NOTCH1: variants seen among roughly 807,000 people sequenced by gnomAD.
The protein encoded by NOTCH1 is notch receptor 1.
Under a neutral mutation model 254.8 loss-of-function variants are expected in NOTCH1, and 37 were observed. The ratio of observed to expected loss-of-function variants is 0.15; its 90% CI spans 0.11 to 0.19. NOTCH1 has a LOEUF of 0.19. Ranked by LOEUF, NOTCH1 falls within the 10% of genes least tolerant of loss-of-function variation. The probability of loss-of-function intolerance (pLI) is 1.00; values close to 1 mark genes in which losing one functional copy is unlikely to be tolerated. For missense variants in NOTCH1, 2,972 were observed against 3,708.6 expected (o/e 0.80, Z 5.16); for synonymous variants, 1,731 against 1,618.1 (o/e 1.07, Z -1.68).
intron 2 of NOTCH1, among the ~76,000 whole-genome samples, chr9:136,537,331 A>G (rs1255114333): frequency 6.6e-6 from 1 of 152,148 alleles, no homozygotes; most frequent in South Asian, 2.1e-4. Flanking sequence ...AACCTTAAAC[A>G]CATCACGCTC....
In NOTCH1 at chr9:136,506,064, G is replaced by A. The variant is rs1034614889; in HGVS notation, c.4015-183C>T. On this transcript the variant is annotated intron_variant, in intron 24 of 33. Coordinates refer to ENST00000651671, the MANE Select transcript of NOTCH1 (RefSeq NM_017617.5). The surrounding 1 kb of genome is among the most constrained non-coding windows in gnomAD (Gnocchi z 4.5). ...CTACCAACAGAGAAAGATCGGGGGTGCCAGGGGGTCGGGAGATGGAGGAAG... is the reference window on the plus strand; with the variant it reads ...CTACCAACAGAGAAAGATCGGGGGTACCAGGGGGTCGGGAGATGGAGGAAG... 2.6e-5 allele frequency among the ~76,000 whole-genome samples: 4 copies of A among 152,212 alleles called. No individual in the cohort carries two copies. The highest frequency in any genetic ancestry group is 9.7e-5 in the African/African-American group (4 of 41,450).
chr9:136,513,625 G>GCAC lies in NOTCH1; in HGVS notation c.2208-89_2208-88insGTG. On this transcript the variant is annotated intron_variant, in intron 13 of 33. Transcript: ENST00000651671. This position sits in a 1 kb window ranked among gnomAD's most constrained non-coding sequence, Gnocchi z 4.7. The stretch of plus-strand genomic sequence containing the variant: ...CTCCCGGGTCTGCAATGCCCTATGG[G>GCAC]CTGGCGGAGGTGCCCATCCACTCAG... 1.4e-6 allele frequency: 2 copies of GCAC among 1,478,496 alleles called. No homozygotes were observed. Among genetic ancestry groups the GCAC allele is most frequent in the Non-Finnish European group, 1.9e-6 (2 of 1,076,260 alleles). 91.6% of individuals were successfully genotyped at this position (1,478,496 alleles called of 1,614,324 possible). A position where few individuals can be genotyped will look rare whatever the true frequency, so the allele number is the denominator to read the frequency against.
intron 19 of NOTCH1, 50 bp from the exon 20 acceptor site, chr9:136,508,435 C>A (rs769875668): frequency 6.2e-7 from 1 of 1,611,622 alleles, no homozygotes; most frequent in South Asian, 1.1e-5. Context: ...GCCATTTCCC[C>A]GGTAGCTCAG....
At chr9:136,498,799 T>C in intron 33 of NOTCH1, 100 bp downstream of exon 33, 1 of 1,393,776 alleles carries the variant, frequency 7.2e-7, no homozygotes, top group Non-Finnish European at 1.0e-6. Flanking sequence ...CGAGACCCTG[T>C]GGGTCAGGCC....
At chr9:136,523,627 G>T (rs1843411643) in intron 3 of NOTCH1, 90 bp downstream of exon 3, 1 of 1,499,432 alleles carries the variant, frequency 6.7e-7, no homozygotes, top group Non-Finnish European at 9.0e-7. Flanking sequence ...AGAGACCCGG[G>T]CCTGGATCCC....
intron 22 of NOTCH1, among the ~76,000 whole-genome samples, 162 bp downstream of exon 22, chr9:136,507,142 TG>T (rs1843101610): frequency 6.6e-6 from 1 of 152,246 alleles, no homozygotes; most frequent in Non-Finnish European, 1.5e-5. Context: ...ACCCCCGCTC[TG>T]GGCCCTTTCC....
chr9:136,537,476 G>A (rs1843673248), intron 2 of NOTCH1, among the ~76,000 whole-genome samples: 1 of 152,188 alleles, frequency 6.6e-6, no homozygotes, highest in African/African-American at 2.4e-5. Flanking sequence ...CAGAGTGACA[G>A]TATTTGGGTA....
Position 136,500,764 on chromosome 9 carries a change from C to A in NOTCH1, c.5722G>T (p.Ala1908Ser), listed in dbSNP as rs781040422. The A allele has an allele frequency of 6.2e-7, 1 of 1,604,140 alleles. No individual in the cohort carries two copies. The highest frequency in any genetic ancestry group is 8.5e-7 in the Non-Finnish European group (1 of 1,179,812). ...GNSEEEEDAP[A>S]VISDFIYQGA... is the part of the protein sequence containing the mutation. ...TGGTAGATGAAGTCGGAGATGACGG[C>A]CGGCGCGTCCTCCTCTTCCTCGCTG... Residue 1908 changes from alanine (A) to serine (S), a missense_variant, in exon 31 of 34, where the codon GCC becomes TCC. Coordinates refer to ENST00000651671, the MANE Select transcript of NOTCH1 (RefSeq NM_017617.5).
At chr9:136,510,457 G>A (rs1843160991) in intron 17 of NOTCH1, 196 bp downstream of exon 17, 1 of 677,598 alleles carries the variant, frequency 1.5e-6, no homozygotes, top group South Asian at 1.8e-5. Context: ...GTGCAGGGAG[G>A]AGCAAGCCGG....
chr9:136,510,513 C>A, intron 17 of NOTCH1, 140 bp downstream of exon 17: 1 of 1,177,924 alleles, frequency 8.5e-7, no homozygotes, highest in Non-Finnish European at 1.2e-6. Context: ...CAGCACATCC[C>A]CCACACCTGA....
chr9:136,519,694 G>T, intron 4 of NOTCH1, 129 bp from the exon 5 acceptor site: 1 of 1,370,552 alleles, frequency 7.3e-7, no homozygotes, highest in Non-Finnish European at 1.0e-6. Flanking sequence ...CCCGGGGTCT[G>T]TGCCCGTCCC....
Position 136,506,917 on chromosome 9 carries a change from G to A in NOTCH1, c.3700C>T (p.Arg1234Trp), listed in dbSNP as rs761304479. ...CCGTTGTTAAAGCACTTGGGGCTCC[G>A]GGACACGGGGTCAACGGGGGGATTG... The part of the protein sequence containing the change: ...DCNPPVDPVS[R>W]SPKCFNNGTC... The change falls in exon 23 of 34, where the codon CGG becomes TGG. Residue 1234 changes from arginine (R) to tryptophan (W), a missense_variant. Around this residue, in one of 8 missense-constraint regions of NOTCH1, gnomAD observed 1,343 missense variants for 1,557.0 expected, o/e 0.86. Transcript: ENST00000651671. The surrounding 1 kb of genome is among the most constrained non-coding windows in gnomAD (Gnocchi z 4.5). The A allele has an allele frequency of 1.6e-5, 26 of 1,611,354 alleles. No homozygotes were observed. In the African/African-American group the frequency reaches 1.7e-4, roughly 11 times the overall value.
chr9:136,538,768 G>T (rs1469930756), intron 2 of NOTCH1, among the ~76,000 whole-genome samples: 2 of 152,264 alleles, frequency 1.3e-5, no homozygotes, highest in African/African-American at 4.8e-5. Flanking sequence ...CACCTGGAGG[G>T]TGGGCGGCCG....
chr9:136,518,539 A>G (rs1843314768), intron 6 of NOTCH1, 52 bp downstream of exon 6: 1 of 1,520,526 alleles, frequency 6.6e-7, no homozygotes, highest in African/African-American at 1.4e-5. Flanking sequence ...CACACAGCTC[A>G]GGCCTGGCCC....
rs766444406 is a variant in NOTCH1 at position 136,502,433 on chromosome 9, C to T, written c.5223G>A (p.Ala1741=). The T allele has an allele frequency of 7.8e-5, 125 of 1,608,304 alleles. No homozygotes were observed. The highest frequency in any genetic ancestry group is 9.7e-5 in the Non-Finnish European group (114 of 1,178,336). The change falls in exon 28 of 34, where the codon GCG becomes GCA. Residue 1741 remains alanine, a synonymous_variant. Coordinates refer to ENST00000651671, the MANE Select transcript of NOTCH1 (RefSeq NM_017617.5). ...CGAAGAACAGAAGCACAAAGGCGGC[C>T]GCCGCCACGTACATGAAGTGCAGCT... The part of the protein sequence containing the change: ...PAQLHFMYVA[A]AAFVLLFFVG...
At position 136,502,441 on chromosome 9, in the gene NOTCH1, C is replaced by T. The variant is rs377294245; in HGVS notation, c.5215G>A (p.Val1739Met). 63 of 1,607,298 alleles carry T rather than the reference C, an allele frequency of 3.9e-5. No individual in the cohort carries two copies. Among genetic ancestry groups the T allele is most frequent in the Non-Finnish European group, 4.7e-5 (55 of 1,177,930 alleles). The change falls in exon 28 of 34, where the codon GTG (valine) becomes ATG (methionine). Residue 1739 changes from valine (V) to methionine (M), a missense_variant. By Grantham distance (21) the Val-to-Met change is conservative. Transcript: ENST00000651671. ...AGAAGCACAAAGGCGGCCGCCGCCA[C>T]GTACATGAAGTGCAGCTGCGCCGGC... ...PPPAQLHFMY[V>M]AAAAFVLLFF...
intron 33 of NOTCH1, among the ~76,000 whole-genome samples, chr9:136,498,244 G>T (rs954151782): frequency 6.6e-6 from 1 of 151,584 alleles, no homozygotes; most frequent in African/African-American, 2.4e-5. Flanking sequence ...TTGGGGGCGG[G>T]GGTGGGGGTT....
chr9:136,502,578 G>A (rs1025405779), intron 27 of NOTCH1, 90 bp from the exon 28 acceptor site: 20 of 756,610 alleles, frequency 2.6e-5, no homozygotes, highest in East Asian at 5.9e-5. Flanking sequence ...GACTGGCTCC[G>A]CGTCCGGGCG....
At chr9:136,499,081 C>G in intron 32 of NOTCH1, 31 bp downstream of exon 32, 1 of 1,612,740 alleles carries the variant, frequency 6.2e-7, no homozygotes, top group Non-Finnish European at 8.5e-7. Context: ...TCCCGCCCCA[C>G]GACAGAGCAG....
Sources: gnomAD v4.1 joint callset for allele counts (sites outside exome capture counted in the v4.1 genomes callset) on GRCh38, gnomAD v4.1.1 for gene constraint, gnomAD v4.1.1 regional missense constraint, Gnocchi (gnomAD v3.1) non-coding constraint, MANE v1.5 for transcripts, NCBI Gene and HGNC (gene_info 2026-07-23, HGNC 2026-07-21) for gene names.